Variants in NFE2L1 observed in about 807,000 individuals in gnomAD.
NFE2L1 encodes endoplasmic reticulum membrane sensor NFE2L1.
NFE2L1 carries 18 observed loss-of-function variants against 61.6 expected under a neutral mutation model. That is an observed-to-expected ratio of 0.29 (90% CI 0.20 to 0.43). The LOEUF (loss-of-function observed/expected upper bound fraction) is 0.43, where lower values mean the gene tolerates loss of function less well. NFE2L1 is among the 20% of genes least tolerant of loss of function. The probability of loss-of-function intolerance (pLI) is 1.00; values close to 1 mark genes in which losing one functional copy is unlikely to be tolerated. For missense variants in NFE2L1, 827 were observed against 973.5 expected (o/e 0.85, Z 2.00); for synonymous variants, 419 against 402.7 (o/e 1.04, Z -0.48).
At chr17:48,055,057 C>A (rs751905323) in intron 2 of NFE2L1, 1 of 1,509,134 alleles carries the variant, frequency 6.6e-7, no homozygotes. Context: ...GTGGTGGGGG[C>A]CATGCCAAAG....
At position 48,050,733 on chromosome 17, in the gene NFE2L1, C is replaced by G; in HGVS notation, c.-386C>G. The G allele has an allele frequency of 2.2e-6, 1 of 448,538 alleles. No homozygotes were observed. The highest frequency in any genetic ancestry group is 3.9e-6 in the Non-Finnish European group (1 of 254,482). 27.8% of individuals were successfully genotyped at this position (448,538 alleles called of 1,614,324 possible). On this transcript the variant is annotated 5_prime_UTR_variant, in exon 2 of 6. Coordinates refer to ENST00000362042, the MANE Select transcript of NFE2L1 (RefSeq NM_003204.3). The stretch of plus-strand genomic sequence containing the variant: ...GAGAAGGAAAAAAAAAATCCATCAG[C>G]TGTTCCTGAGAACAGCCTGCATTGG...
chr17:48,055,085 T>G (rs2037362475), intron 2 of NFE2L1: 1 of 1,472,074 alleles, frequency 6.8e-7, no homozygotes, highest in East Asian at 2.8e-5. Context: ...GCCCCTTAAC[T>G]CTTTGCTGGC....
intron 2 of NFE2L1, chr17:48,055,035 G>A (rs1050880368): frequency 4.0e-6 from 6 of 1,516,072 alleles, no homozygotes; most frequent in African/African-American, 2.8e-5. Flanking sequence ...CGCCTGGACC[G>A]CAGCTCTCAC....
chr17:48,055,531 G>A (rs541624984), intron 2 of NFE2L1, among the ~76,000 whole-genome samples: 119 of 151,680 alleles, frequency 7.8e-4, no homozygotes, highest in Middle Eastern at 3.4e-3. Flanking sequence ...TGGGGTTTAT[G>A]TCCTTGAGGG....
intron 2 of NFE2L1, among the ~76,000 whole-genome samples, chr17:48,055,387 A>C (rs2037374341): frequency 9.2e-5 from 14 of 152,118 alleles, no homozygotes; most frequent in Admixed American, 9.2e-4. Context: ...GGAAGCCCAA[A>C]TAGCTCTATT....
At position 48,050,693 on chromosome 17, in the gene NFE2L1, A is replaced by G; in HGVS notation, c.-426A>G. The stretch of plus-strand genomic sequence containing the variant: ...AGGCCTGTAGCTCCAGCCAAAGAAA[A>G]TAAACCTTAGGAGGGAGAAGGAAAA... On this transcript the variant is annotated 5_prime_UTR_variant, in exon 2 of 6. Transcript: ENST00000362042. 1 of 438,690 alleles carries G rather than the reference A, an allele frequency of 2.3e-6. No individual in the cohort carries two copies. The highest frequency in any genetic ancestry group is 4.0e-6 in the Non-Finnish European group (1 of 248,414). The allele number at this position is 438,690 out of a possible 1,614,324, so 27.2% of individuals were successfully genotyped here. A position where few individuals can be genotyped will look rare whatever the true frequency, so the allele number is the denominator to read the frequency against.
In NFE2L1 at chr17:48,057,426, C is replaced by T. The variant is rs2037431358; in HGVS notation, c.896C>T (p.Pro299Leu). ...PPALQNNLLS[P>L]LLTGTESPFD... ...GCTCTTCAAAACAACCTCTTGTCTC[C>T]TCTTCTGACCGGGACAGAGTCACCA... Residue 299 changes from proline to leucine, a missense_variant, in exon 5 of 6, where the codon CCT (proline) becomes CTT (leucine). Physicochemically the swap from Pro to Leu is moderately conservative, Grantham distance 98. Coordinates refer to ENST00000362042, the MANE Select transcript of NFE2L1 (RefSeq NM_003204.3). 3.7e-6 allele frequency: 6 copies of T among 1,614,210 alleles called. No homozygotes were observed. Among genetic ancestry groups the T allele is most frequent in the Non-Finnish European group, 5.1e-6 (6 of 1,180,046 alleles).
intron 2 of NFE2L1, 21 bp downstream of exon 2, chr17:48,051,649 T>G (rs2037254692): frequency 1.3e-6 from 2 of 1,594,308 alleles, no homozygotes; most frequent in African/African-American, 1.3e-5. Context: ...CTGTGGTGGG[T>G]GTGTGGGGCC....
rs1043183996 is a variant in NFE2L1 at position 48,059,484 on chromosome 17, T to C, written c.2162T>C (p.Val721Ala). ...KQKVQSLYQEVFGRLRDENGR... is the reference protein window; with the variant it reads ...KQKVQSLYQEAFGRLRDENGR... ...AAGGTCCAGAGCCTGTACCAGGAGG[T>C]GTTTGGGCGGCTGCGAGATGAGAAC... The change falls in exon 6 of 6, where the codon GTG becomes GCG. Residue 721 changes from valine to alanine, a missense_variant. Val to Ala is a moderately conservative substitution (Grantham distance 64, BLOSUM62 0). This residue lies in a region of NFE2L1 where 86 missense variants were observed against 97.3 expected (regional missense o/e 0.88). Transcript: ENST00000362042. This position sits in a 1 kb window ranked among gnomAD's most constrained non-coding sequence, Gnocchi z 6.1. The C allele has an allele frequency of 6.2e-7, 1 of 1,611,758 alleles. No homozygotes were observed. The highest frequency in any genetic ancestry group is 1.3e-5 in the African/African-American group (1 of 74,086).
At chr17:48,057,523 C>T in intron 5 of NFE2L1, 21 bp downstream of exon 5, 1 of 1,603,610 alleles carries the variant, frequency 6.2e-7, no homozygotes, top group Non-Finnish European at 8.5e-7. Context: ...CGGAACCGGG[C>T]ACAAACCTAT....
rs370484337 is a variant in NFE2L1, at chr17:48,058,819, T to C, written c.1497T>C (p.Ser499=). 6 of 1,613,866 alleles carry C rather than the reference T, an allele frequency of 3.7e-6. No individual in the cohort carries two copies. Among genetic ancestry groups the C allele is most frequent in the African/African-American group, 1.3e-5 (1 of 74,918 alleles). The change falls in exon 6 of 6, where the codon TCT becomes TCC. Residue 499 remains serine, a synonymous_variant. Transcript: ENST00000362042. The stretch of plus-strand genomic sequence containing the variant: ...GCAGCTCTGAAGGCAGTTCTTCCTC[T>C]TCTTCCTCCTCCTCTTCCTCTTCTT... ...SLSSSEGSSS[S]SSSSSSSSSS... is the part of the protein sequence containing the mutation.
In NFE2L1 at chr17:48,051,144, C is replaced by G. The variant is rs746330069; in HGVS notation, c.26C>G (p.Thr9Arg). ...ATGCTTTCTCTGAAGAAATACTTAA[C>G]GGAAGGACTTCTCCAGTTCACCATT... Reference protein sequence around the residue: MLSLKKYLTEGLLQFTILL... With the variant: MLSLKKYLREGLLQFTILL... The change falls in exon 2 of 6, where the codon ACG becomes AGG. Residue 9 changes from threonine (T) to arginine (R), a missense_variant. Physicochemically the swap from Thr to Arg is moderately conservative, Grantham distance 71 (BLOSUM62 -1). Coordinates refer to ENST00000362042, the MANE Select transcript of NFE2L1 (RefSeq NM_003204.3). The G allele has an allele frequency of 3.7e-6, 6 of 1,614,068 alleles. No homozygotes were observed. The African/African-American group carries it at 4.0e-5, about 11-fold the overall frequency.
At position 48,051,271 on chromosome 17, in the gene NFE2L1, T is replaced by A; in HGVS notation, c.153T>A (p.Thr51=). The A allele has an allele frequency of 3.1e-6, 5 of 1,614,002 alleles. No individual in the cohort carries two copies. Among genetic ancestry groups the A allele is most frequent in the Non-Finnish European group, 4.2e-6 (5 of 1,180,000 alleles). ...TCCTGGGGCCCAGTTCTGCCTATAC[T>A]CAGACCCAGTTCCACAACCTGAGGA... ...EIILGPSSAY[T]QTQFHNLRNT... Residue 51 remains threonine, a synonymous_variant, in exon 2 of 6, where the codon ACT becomes ACA. Coordinates refer to ENST00000362042, the MANE Select transcript of NFE2L1 (RefSeq NM_003204.3).
In NFE2L1 at chr17:48,059,195, T is replaced by C; in HGVS notation, c.1873T>C (p.Phe625Leu). ...CCGAGCCCGAGCCATGAAGATCCCT[T>C]TCACCAATGACAAAATCATCAACCT... The part of the protein sequence containing the change: ...EHRARAMKIP[F>L]TNDKIINLPV... Residue 625 changes from phenylalanine to leucine, a missense_variant, in exon 6 of 6, where the codon TTC (phenylalanine) becomes CTC (leucine). Transcript: ENST00000362042. This position sits in a 1 kb window ranked among gnomAD's most constrained non-coding sequence, Gnocchi z 6.1. 1 of 1,614,058 alleles carries C rather than the reference T, an allele frequency of 6.2e-7. No homozygotes were observed. The highest frequency in any genetic ancestry group is 8.5e-7 in the Non-Finnish European group (1 of 1,180,008).
chr17:48,052,658 G>A (rs1290522519), intron 2 of NFE2L1, among the ~76,000 whole-genome samples: 1 of 152,200 alleles, frequency 6.6e-6, no homozygotes, highest in Non-Finnish European at 1.5e-5. Flanking sequence ...CAAAGAGTAT[G>A]GCTTGTTCTA....
chr17:48,051,610 T>C lies in NFE2L1; in HGVS notation c.492T>C (p.Ser164=), dbSNP rs1275828528. The C allele has an allele frequency of 1.2e-6, 2 of 1,613,104 alleles. No individual in the cohort carries two copies. The highest frequency in any genetic ancestry group is 1.7e-6 in the Non-Finnish European group (2 of 1,179,538). ...EDLGAVAPPV[S]GDLTKEDIDL... ...TGGGGGCTGTAGCCCCCCCAGTCAG[T>C]GGAGACTTAACCAAAGAGGTTAGTG... is the stretch of plus-strand genomic sequence containing the variant. The change falls in exon 2 of 6, where the codon AGT becomes AGC. Residue 164 remains serine, a synonymous_variant. Transcript: ENST00000362042.
Position 48,054,833 on chromosome 17 carries a change from G to A in NFE2L1, c.511-1553G>A, listed in dbSNP as rs532298459. On this transcript the variant is annotated intron_variant, in intron 2 of 5. Coordinates refer to ENST00000362042, the MANE Select transcript of NFE2L1 (RefSeq NM_003204.3). ...TGTGAGGTGGGAGGGGGCTGCTCAA[G>A]GATGGAGGAAGGGGGCTGGCTGGGC... 2.4e-3 allele frequency: 2,950 copies of A among 1,247,530 alleles called. 3 individuals carry two copies. The highest frequency in any genetic ancestry group is 2.6e-3 in the Non-Finnish European group (2,662 of 1,008,502). 77.3% of individuals were successfully genotyped at this position (1,247,530 alleles called of 1,614,324 possible). A position where few individuals can be genotyped will look rare whatever the true frequency, so the allele number is the denominator to read the frequency against.
chr17:48,048,450 GCCGAGC>G lies in NFE2L1; in HGVS notation c.-524_-519del, dbSNP rs1229543390. 6.5e-6 allele frequency: 1 copy of G among 152,710 alleles called. No individual in the cohort carries two copies. The highest frequency in any genetic ancestry group is 2.4e-5 in the African/African-American group (1 of 41,438). 9.5% of individuals were successfully genotyped at this position (152,710 alleles called of 1,614,324 possible). ...GCCTGCTGTGGAGGCAGCGGCGGAC[GCCGAGC>G]TAAGCAGTGGGTATCGGGCACATTC... On this transcript the variant is annotated 5_prime_UTR_variant, in exon 1 of 6. Transcript: ENST00000362042.
chr17:48,055,305 G>T (rs777430823), intron 2 of NFE2L1, among the ~76,000 whole-genome samples: 1 of 152,122 alleles, frequency 6.6e-6, no homozygotes, highest in African/African-American at 2.4e-5. Flanking sequence ...TTAACCCCTG[G>T]ATGGAAGGCA....
Sources: gnomAD v4.1 joint callset for allele counts (sites outside exome capture counted in the v4.1 genomes callset) on GRCh38, gnomAD v4.1.1 for gene constraint, gnomAD v4.1.1 regional missense constraint, Gnocchi (gnomAD v3.1) non-coding constraint, MANE v1.5 for transcripts, NCBI Gene and HGNC (gene_info 2026-07-23, HGNC 2026-07-21) for gene names.